ZNF69: variants seen among roughly 807,000 people sequenced by gnomAD.
ZNF69 encodes ZNF3.
In ZNF69, 47 loss-of-function variants were observed where a neutral mutation model predicts 50.9. The observed-to-expected ratio is 0.92, with a 90% CI of 0.73 to 1.18. The LOEUF (loss-of-function observed/expected upper bound fraction) is 1.18, where lower values mean the gene tolerates loss of function less well. Among genes scored for constraint, ZNF69 ranks in the 50% most tolerant of loss-of-function variants. The pLI is 0.00. For missense variants in ZNF69, 717 were observed against 675.1 expected, an observed-to-expected ratio of 1.06 and a Z score of -0.69; for synonymous variants, 216 against 223.1, an observed-to-expected ratio of 0.97 and a Z score of 0.29.
At chr19:11,897,257 G>C (rs1972142530) in intron 1 of ZNF69, among the ~76,000 whole-genome samples, 1 of 152,174 alleles carries the variant, frequency 6.6e-6, no homozygotes, top group Admixed American at 6.5e-5. Flanking sequence ...TGAGGCAGGA[G>C]AATCACTTGA....
At chr19:11,888,061 C>T in intron 1 of ZNF69, 75 bp downstream of exon 1, 4 of 1,458,756 alleles carry the variant, frequency 2.7e-6, no homozygotes, top group Non-Finnish European at 3.8e-6. Flanking sequence ...TGTGGCGAGA[C>T]CCTGGCTTTC....
the ZNF69 span, among the ~76,000 whole-genome samples, chr19:11,967,509 A>G: frequency 2.0e-5 from 3 of 151,592 alleles, no homozygotes; most frequent in African/African-American, 4.8e-5. Flanking sequence ...GGTTCACGCC[A>G]TTCTCCTGCC....
the ZNF69 span, chr19:11,964,911 C>T: frequency 7.2e-6 from 3 of 416,150 alleles, no homozygotes; most frequent in Non-Finnish European, 1.3e-5. Context: ...TCTGGCTCTG[C>T]CGGGCCTGAT....
At chr19:11,904,466 A>G (rs1972317358) in intron 3 of ZNF69, among the ~76,000 whole-genome samples, 183 bp from the exon 4 acceptor site, 1 of 152,240 alleles carries the variant, frequency 6.6e-6, no homozygotes, top group Non-Finnish European at 1.5e-5. Flanking sequence ...ACAGTTTTTT[A>G]AATAATAGTT....
At chr19:11,896,284 A>G (rs1305152928) in intron 1 of ZNF69, among the ~76,000 whole-genome samples, 2 of 147,340 alleles carry the variant, frequency 1.4e-5, no homozygotes, top group Admixed American at 7.0e-5. Context: ...CCATTGGTCT[A>G]TCTTTCCATC....
downstream of ZNF69, among the ~76,000 whole-genome samples, chr19:11,915,071 G>A (rs532101484): frequency 2.0e-5 from 3 of 152,192 alleles, no homozygotes; most frequent in Non-Finnish European, 4.4e-5. Flanking sequence ...GGGCATCGTG[G>A]TGTGTGCCTG....
chr19:11,949,840 A>C, the ZNF69 span: 6 of 1,601,592 alleles, frequency 3.7e-6, no homozygotes, highest in African/African-American at 1.4e-5. Context: ...TTGTGCCTCA[A>C]ACCTTCGAAA....
chr19:11,935,141 A>T, the ZNF69 span, among the ~76,000 whole-genome samples: 4 of 132,332 alleles, frequency 3.0e-5, no homozygotes, highest in African/African-American at 9.5e-5. Flanking sequence ...GCACCACTGC[A>T]CTCCAGCCTG....
chr19:11,923,665 C>A, the ZNF69 span, among the ~76,000 whole-genome samples: 3 of 152,352 alleles, frequency 2.0e-5, no homozygotes, highest in Non-Finnish European at 4.4e-5. Context: ...TTTCAAATGC[C>A]CTTAAGTTAT....
intron 4 of ZNF69, chr19:11,913,320 C>T: frequency 1.9e-5 from 9 of 470,722 alleles, no homozygotes; most frequent in South Asian, 6.3e-5. Context: ...TGCCAGGCAT[C>T]TTTTTTTTTT....
At chr19:11,894,176 TC>T (rs908353667) in intron 1 of ZNF69, among the ~76,000 whole-genome samples, 5 of 152,020 alleles carry the variant, frequency 3.3e-5, no homozygotes, top group African/African-American at 4.8e-5. Flanking sequence ...AAAACAGAGA[TC>T]TTTTTTTTTT....
At chr19:11,892,667 A>G (rs1250171001) in intron 1 of ZNF69, among the ~76,000 whole-genome samples, 3 of 152,158 alleles carry the variant, frequency 2.0e-5, no homozygotes, top group Non-Finnish European at 1.5e-5. Flanking sequence ...CCCTTCAGTC[A>G]TTTACAACAT....
rs748488750 is a variant in ZNF69 at position 11,905,718 on chromosome 19, G to T, written c.1321G>T (p.Glu441Ter). 6.2e-7 allele frequency: 1 copy of T among 1,613,962 alleles called. No homozygotes were observed. The highest frequency in any genetic ancestry group is 1.1e-5 in the South Asian group (1 of 91,074). The part of the protein sequence containing the change: ...LQLHGRTHTG[E>*]KPYECQECGK... ...ATTGCATGGTAGGACTCACACTGGA[G>T]AGAAGCCCTATGAATGTCAGGAATG... The change falls in exon 4 of 4, where the codon GAG (glutamate) becomes TAG (stop). Residue 441 changes from glutamate to a stop codon, truncating the protein, a stop_gained. Transcript: ENST00000429654. LOFTEE classifies it high-confidence loss of function.
intron 1 of ZNF69, among the ~76,000 whole-genome samples, chr19:11,890,579 A>G (rs1599341595): frequency 1.3e-5 from 2 of 152,268 alleles, no homozygotes; most frequent in South Asian, 2.1e-4. Context: ...TAGACACAGT[A>G]ACAATCTGAT....
At chr19:11,891,384 A>G (rs1001797893) in intron 1 of ZNF69, among the ~76,000 whole-genome samples, 36 of 151,824 alleles carry the variant, frequency 2.4e-4, no homozygotes, top group Non-Finnish European at 1.5e-4. Flanking sequence ...TAAAAAAAAA[A>G]AAAAAGAAAA....
At position 11,905,388 on chromosome 19, in the gene ZNF69, C is replaced by A. The variant is rs1161760444; in HGVS notation, c.991C>A (p.Pro331Thr). The change falls in exon 4 of 4, where the codon CCC becomes ACC. Residue 331 changes from proline (P) to threonine (T), a missense_variant. By Grantham distance (38) the Pro-to-Thr change is conservative. Transcript: ENST00000429654. The stretch of plus-strand genomic sequence containing the variant: ...TGAAAGGACCCACTCTAGGAAAAAA[C>A]CCTATGAATGTACGCAGTGTGGGAA... ...IHERTHSRKK[P>T]YECTQCGKAL... 9 of 1,614,062 alleles carry A rather than the reference C, an allele frequency of 5.6e-6. No homozygotes were observed. The highest frequency in any genetic ancestry group is 7.6e-6 in the Non-Finnish European group (9 of 1,180,026).
chr19:11,912,428 A>G (rs114303329), intron 4 of ZNF69, among the ~76,000 whole-genome samples: 2,142 of 152,306 alleles, frequency 0.014, 42 homozygotes, highest in African/African-American at 0.049. Context: ...ATGAAAAGAC[A>G]TTGGAAGGAA....
rs1264239048 is a variant in ZNF69, at chr19:11,903,709, A to G, written c.190+10A>G. 10 of 1,613,590 alleles carry G rather than the reference A, an allele frequency of 6.2e-6. No individual in the cohort carries two copies. Among genetic ancestry groups the G allele is most frequent in the African/African-American group, 1.3e-5 (1 of 74,908 alleles). ...AACCTGACCTCTGTAGGTAAGGATG[A>G]CATATTCCTTCCCTCAGTCCATTAG... On this transcript the variant is annotated intron_variant, in intron 2 of 3. Transcript: ENST00000429654.
chr19:11,924,162 G>T, the ZNF69 span, among the ~76,000 whole-genome samples: 1 of 152,156 alleles, frequency 6.6e-6, no homozygotes, highest in Non-Finnish European at 1.5e-5. Flanking sequence ...GCCGGGCGCG[G>T]TGGCTCACGC....
Sources: gnomAD v4.1 joint callset for allele counts (sites outside exome capture counted in the v4.1 genomes callset) on GRCh38, gnomAD v4.1.1 for gene constraint, MANE v1.5 for transcripts, NCBI Gene and HGNC (gene_info 2026-07-23, HGNC 2026-07-21) for gene names.